The following CD81 variants were observed in gnomAD, a reference collection of about 807,000 sequenced individuals.
CD81 encodes the protein CD81 antigen.
A neutral mutation model predicts 30.1 loss-of-function variants in CD81; 10 were observed. The ratio of observed to expected loss-of-function variants is 0.33; its 90% CI spans 0.21 to 0.56. The LOEUF (loss-of-function observed/expected upper bound fraction) is 0.56. Ranked by LOEUF, CD81 falls within the 20% of genes least tolerant of loss-of-function variation. The probability of loss-of-function intolerance (pLI) is 0.89; values close to 1 mark genes in which losing one functional copy is unlikely to be tolerated. For missense variants in CD81, 263 were observed against 308.7 expected, an observed-to-expected ratio of 0.85 and a Z score of 1.11; for synonymous variants, 147 against 126.4, an observed-to-expected ratio of 1.16 and a Z score of -1.10.
chr11:2,380,967 G>A (rs953525277), intron 1 of CD81, among the ~76,000 whole-genome samples: 4 of 152,224 alleles, frequency 2.6e-5, no homozygotes, highest in African/African-American at 4.8e-5. Context: ...CCTCGCTCAC[G>A]GGTATTTCTC....
intron 2 of CD81, chr11:2,393,809 A>G: frequency 1.6e-6 from 1 of 626,628 alleles, no homozygotes; most frequent in South Asian, 1.8e-5. Flanking sequence ...CGCAGGTGTC[A>G]TCCCTGCGAA....
chr11:2,393,763 C>T (rs1052548961), intron 2 of CD81: 23 of 607,212 alleles, frequency 3.8e-5, no homozygotes, highest in Non-Finnish European at 3.5e-5. Context: ...CAGGTGCAGG[C>T]GGTGGGTGGT....
chr11:2,376,474 A>G (rs1849589931), upstream of CD81: 1 of 152,236 alleles, frequency 6.6e-6, no homozygotes, highest in African/African-American at 2.4e-5. Flanking sequence ...CTCTGGGGAG[A>G]AAGCACCCTT....
At chr11:2,386,189 G>C (rs781607004) in intron 1 of CD81, 2 of 716,864 alleles carry the variant, frequency 2.8e-6, no homozygotes, top group Non-Finnish European at 5.2e-6. Flanking sequence ...TTTTTGCTGT[G>C]TGTGGATCTT....
chr11:2,382,210 G>GC (rs1405706085), intron 1 of CD81, among the ~76,000 whole-genome samples: 2 of 152,242 alleles, frequency 1.3e-5, no homozygotes, highest in Non-Finnish European at 2.9e-5. Context: ...TAAGGCATCT[G>GC]CCCCCCACCC....
In CD81 at chr11:2,378,770, A is replaced by G. The variant is rs933982645; in HGVS notation, c.66+1155A>G. Among the ~76,000 whole-genome samples the G allele has an allele frequency of 5.3e-5, 8 of 151,684 alleles. No homozygotes were observed. Among genetic ancestry groups the G allele is most frequent in the African/African-American group, 1.9e-4 (8 of 41,428 alleles). On this transcript the variant is annotated intron_variant, in intron 1 of 7. Coordinates refer to ENST00000263645, the MANE Select transcript of CD81 (RefSeq NM_004356.4). The surrounding 1 kb of genome is among the most constrained non-coding windows in gnomAD (Gnocchi z 4.9). ...GAAGACTCGGCTGATGTCCCAGTGGACCGAGTGTTTCTCAAGTTGAGGCAG... is the reference window on the plus strand; with the variant it reads ...GAAGACTCGGCTGATGTCCCAGTGGGCCGAGTGTTTCTCAAGTTGAGGCAG...
At chr11:2,395,619 G>A in intron 5 of CD81, 99 bp downstream of exon 5, 5 of 976,426 alleles carry the variant, frequency 5.1e-6, no homozygotes, top group Non-Finnish European at 8.0e-6. Context: ...GACCTCAGGA[G>A]CAGGAGGTGC....
At chr11:2,394,469 G>A (rs573138325) in intron 3 of CD81, among the ~76,000 whole-genome samples, 6 of 152,312 alleles carry the variant, frequency 3.9e-5, no homozygotes, top group East Asian at 3.9e-4. Context: ...TCGGCGTCCC[G>A]GGCACACCGC....
intron 1 of CD81, among the ~76,000 whole-genome samples, chr11:2,381,480 T>G (rs1849703679): frequency 6.6e-6 from 1 of 152,198 alleles, no homozygotes; most frequent in Non-Finnish European, 1.5e-5. Context: ...CCCTTTCTCA[T>G]AACTGCTTCC....
At position 2,394,245 on chromosome 11, in the gene CD81, G is replaced by C. The variant is rs571747563; in HGVS notation, c.279+53G>C. 4.7e-6 allele frequency: 6 copies of C among 1,280,374 alleles called. No homozygotes were observed. The South Asian group carries it at 6.0e-5, about 13-fold the overall frequency. 79.3% of individuals were successfully genotyped at this position (1,280,374 alleles called of 1,614,324 possible). A position where few individuals can be genotyped will look rare whatever the true frequency, so the allele number is the denominator to read the frequency against. ...GGGCCGGGGAGGGGCTGGGGGCTGC[G>C]TCTGGCCCTGAGGAGGGGGCAGAGC... On this transcript the variant is annotated intron_variant, in intron 3 of 7. Transcript: ENST00000263645.
chr11:2,393,983 CCTA>C, intron 2 of CD81, 109 bp from the exon 3 acceptor site: 1 of 810,458 alleles, frequency 1.2e-6, no homozygotes. Context: ...AGTCAGCAAC[CCTA>C]CATCTTCCCA....
intron 2 of CD81, 127 bp from the exon 3 acceptor site, chr11:2,393,968 C>T (rs1849949667): frequency 1.3e-6 from 1 of 756,456 alleles, no homozygotes; most frequent in South Asian, 1.4e-5. Context: ...CTGCTCATCC[C>T]TGGCAGTCAG....
At chr11:2,390,882 C>CGGGA (rs1294099331) in intron 2 of CD81, among the ~76,000 whole-genome samples, 13 of 96,070 alleles carry the variant, frequency 1.4e-4, no homozygotes, top group Non-Finnish European at 1.8e-4. Flanking sequence ...CTGTGGAGCC[C>CGGGA]GGGAGGGAGG....
At position 2,377,704 on chromosome 11, in the gene CD81, G is replaced by A. The variant is rs1849623121; in HGVS notation, c.66+89G>A. The A allele has an allele frequency of 1.1e-5, 9 of 810,354 alleles. No individual in the cohort carries two copies. The South Asian group carries it at 1.9e-4, about 17-fold the overall frequency. 50.2% of individuals were successfully genotyped at this position (810,354 alleles called of 1,614,324 possible). ...CCGCGGCAGCGTGCTAGGCCCCGCG[G>A]GCGCAGCGCGGGCCGCGAAGTTGTG... On this transcript the variant is annotated intron_variant, in intron 1 of 7. Transcript: ENST00000263645. This position sits in a 1 kb window ranked among gnomAD's most constrained non-coding sequence, Gnocchi z 7.7.
chr11:2,384,619 G>T, intron 1 of CD81: 1 of 175,660 alleles, frequency 5.7e-6, no homozygotes, highest in Non-Finnish European at 1.3e-5. Flanking sequence ...GCATCTCAGA[G>T]GGCGCCTCCG....
chr11:2,396,705 T>A lies in CD81; in HGVS notation c.639T>A (p.Ala213=). Residue 213 remains alanine (A), a synonymous_variant, in exon 7 of 8, where the codon GCT becomes GCA. Transcript: ENST00000263645. ...YLIGIAAIVV[A]VIMIFEMILS... ...TCGGCATTGCTGCCATCGTGGTCGC[T>A]GTGATCATGGTGAGCGGGCGGGGGC... The A allele has an allele frequency of 6.2e-7, 1 of 1,611,698 alleles. No individual in the cohort carries two copies. The highest frequency in any genetic ancestry group is 8.5e-7 in the Non-Finnish European group (1 of 1,179,970).
intron 1 of CD81, chr11:2,379,050 G>C: frequency 2.3e-6 from 1 of 425,974 alleles, no homozygotes; most frequent in Non-Finnish European, 4.8e-6. Flanking sequence ...GGCAGTGGGG[G>C]CAGCTAGGCC....
chr11:2,396,914 A>T lies in CD81; in HGVS notation c.*48A>T. ...GGACCTCTGCAGTGCCCCCTAAGTGACCCGGACACTTCCGAGGGGGCCATC... is the reference window on the plus strand; with the variant it reads ...GGACCTCTGCAGTGCCCCCTAAGTGTCCCGGACACTTCCGAGGGGGCCATC... On this transcript the variant is annotated 3_prime_UTR_variant, in exon 8 of 8. Transcript: ENST00000263645. 1 of 1,556,960 alleles carries T rather than the reference A, an allele frequency of 6.4e-7. No individual in the cohort carries two copies. The highest frequency in any genetic ancestry group is 8.8e-7 in the Non-Finnish European group (1 of 1,131,582).
upstream of CD81, among the ~76,000 whole-genome samples, chr11:2,376,612 C>G (rs1849596236): frequency 6.6e-6 from 1 of 152,204 alleles, no homozygotes; most frequent in South Asian, 2.1e-4. Flanking sequence ...GAAATAGATG[C>G]AATATCTGGA....
Sources: gnomAD v4.1 joint callset for allele counts (sites outside exome capture counted in the v4.1 genomes callset) on GRCh38, gnomAD v4.1.1 for gene constraint, Gnocchi (gnomAD v3.1) non-coding constraint, MANE v1.5 for transcripts, NCBI Gene and HGNC (gene_info 2026-07-23, HGNC 2026-07-21) for gene names.